ANKRD36: variants seen among roughly 807,000 people sequenced by gnomAD.
ANKRD36 encodes ankyrin repeat domain-containing protein 36A.
ANKRD36 carries 179 observed loss-of-function variants against 278.1 expected under a neutral mutation model. The ratio of observed to expected loss-of-function variants is 0.64; its 90% CI spans 0.57 to 0.73. The LOEUF is 0.73. Ranked by LOEUF, ANKRD36 falls within the 30% of genes least tolerant of loss-of-function variation. ANKRD36 has a pLI of 0.00. For missense variants in ANKRD36, 1,159 were observed against 1,956.7 expected (o/e 0.59, Z 7.69); for synonymous variants, 320 against 641.1 (o/e 0.50, Z 7.57).
At position 97,171,399 on chromosome 2, in the gene ANKRD36, A is replaced by T. The variant is rs1471739530; in HGVS notation, c.1633+3632A>T. Among the ~76,000 whole-genome samples, 104 of 147,248 alleles carry T rather than the reference A, an allele frequency of 7.1e-4. 1 individual carries two copies. Among genetic ancestry groups the T allele is most frequent in the African/African-American group, 2.3e-3 (93 of 39,992 alleles). On this transcript the variant is annotated intron_variant, in intron 22 of 75. Coordinates refer to ENST00000420699, the MANE Select transcript of ANKRD36 (RefSeq NM_001354587.1). ...AAAAATGATGAGTTCATGTCCTTTG[A>T]AGGGACATGGATGAAATTGGAAATC...
At chr2:97,229,537 A>G (rs1459263227) in intron 67 of ANKRD36, among the ~76,000 whole-genome samples, 1 of 152,068 alleles carries the variant, frequency 6.6e-6, no homozygotes, top group Non-Finnish European at 1.5e-5. Flanking sequence ...GTGTCTCTGC[A>G]CGTGAGATGG....
At chr2:97,216,577 A>C (rs2065978953) in intron 62 of ANKRD36, 1 of 174,844 alleles carries the variant, frequency 5.7e-6, no homozygotes, top group African/African-American at 2.4e-5. Context: ...AAACTTAGGC[A>C]AATTATTACA....
At chr2:97,230,185 G>C (rs562089201) in intron 67 of ANKRD36, among the ~76,000 whole-genome samples, 117 of 152,180 alleles carry the variant, frequency 7.7e-4, no homozygotes, top group Non-Finnish European at 1.5e-3. Context: ...ATGTTGGCCT[G>C]CCTTGCTAGA....
chr2:97,260,347 G>GATATATATATATATATAT (rs71218080), intron 75 of ANKRD36, among the ~76,000 whole-genome samples: 7 of 117,642 alleles, frequency 6.0e-5, no homozygotes, highest in African/African-American at 1.3e-4. Context: ...TATTTTAAAA[G>GATATATATATATATATAT]ATATATATAT....
intron 62 of ANKRD36, among the ~76,000 whole-genome samples, chr2:97,215,987 GAA>G (rs1305837501): frequency 1.3e-5 from 2 of 151,970 alleles, no homozygotes; most frequent in African/African-American, 2.4e-5. Context: ...GAGAAAAGAA[GAA>G]GTTATTTATG....
intron 30 of ANKRD36, among the ~76,000 whole-genome samples, chr2:97,186,849 AC>A (rs2057509845): frequency 2.0e-5 from 3 of 151,892 alleles, no homozygotes; most frequent in African/African-American, 7.2e-5. Context: ...TGCATGTGCC[AC>A]CTGCTTTGAC....
In ANKRD36 at chr2:97,151,925, G is replaced by A. The variant is rs946488323; in HGVS notation, c.1148G>A (p.Arg383Gln). ...YIPKRKIISPRSIKDVLPPVE... is the reference protein window; with the variant it reads ...YIPKRKIISPQSIKDVLPPVE... ...CCAAAGAGAAAGATTATTTCTCCACGATCTATAAAAGATGGTAAGTTATTT... is the reference window on the plus strand; with the variant it reads ...CCAAAGAGAAAGATTATTTCTCCACAATCTATAAAAGATGGTAAGTTATTT... The change falls in exon 13 of 76, where the codon CGA (arginine) becomes CAA (glutamine). Residue 383 changes from arginine to glutamine, a missense_variant. Transcript: ENST00000420699. 1.1e-5 allele frequency: 16 copies of A among 1,451,196 alleles called. No individual in the cohort carries two copies. The highest frequency in any genetic ancestry group is 3.7e-5 in the South Asian group (3 of 80,864). 89.9% of individuals were successfully genotyped at this position (1,451,196 alleles called of 1,614,324 possible). A position where few individuals can be genotyped will look rare whatever the true frequency, so the allele number is the denominator to read the frequency against.
intron 22 of ANKRD36, among the ~76,000 whole-genome samples, chr2:97,170,889 A>G (rs2153517405): frequency 6.7e-6 from 1 of 149,182 alleles, no homozygotes; most frequent in East Asian, 2.0e-4. Flanking sequence ...AAGTGGGCGA[A>G]GGACATGAAC....
intron 50 of ANKRD36, 141 bp from the exon 51 acceptor site, chr2:97,205,799 T>A (rs562509008): frequency 1.6e-6 from 2 of 1,225,456 alleles, no homozygotes; most frequent in East Asian, 2.5e-5. Context: ...CATTTTCTAG[T>A]CCCCAGACAC....
intron 22 of ANKRD36, among the ~76,000 whole-genome samples, chr2:97,173,181 G>A (rs1045488994): frequency 1.3e-4 from 19 of 151,678 alleles, no homozygotes; most frequent in Non-Finnish European, 2.4e-4. Flanking sequence ...TCTCTGGAAA[G>A]CATAGACATA....
chr2:97,196,395 G>A (rs1308785971), intron 40 of ANKRD36, among the ~76,000 whole-genome samples, 198 bp from the exon 41 acceptor site: 2 of 151,926 alleles, frequency 1.3e-5, no homozygotes, highest in African/African-American at 2.4e-5. Context: ...AAATTATAAG[G>A]GTATATTTCA....
chr2:97,121,218 C>G (rs1268651794), intron 3 of ANKRD36, among the ~76,000 whole-genome samples: 1 of 152,062 alleles, frequency 6.6e-6, no homozygotes, highest in Non-Finnish European at 1.5e-5. Flanking sequence ...TTTCTTTATA[C>G]ATACCATAAA....
chr2:97,141,471 A>G (rs1159273785), intron 6 of ANKRD36, among the ~76,000 whole-genome samples: 1 of 135,278 alleles, frequency 7.4e-6, no homozygotes, highest in African/African-American at 2.8e-5. Flanking sequence ...TTTTTAAATT[A>G]TGACTCTAAG....
At chr2:97,123,298 T>G (rs2037440379) in intron 4 of ANKRD36, among the ~76,000 whole-genome samples, 1 of 144,692 alleles carries the variant, frequency 6.9e-6, no homozygotes, top group Non-Finnish European at 1.5e-5. Flanking sequence ...TGTGGTGTTA[T>G]TTACAATGTA....
intron 6 of ANKRD36, among the ~76,000 whole-genome samples, chr2:97,128,823 A>G (rs1288147248): frequency 6.6e-6 from 1 of 152,082 alleles, no homozygotes; most frequent in Non-Finnish European, 1.5e-5. Flanking sequence ...GGCAGTAGTA[A>G]CTGGAACCAG....
At chr2:97,175,756 G>A (rs2054050326) in intron 22 of ANKRD36, among the ~76,000 whole-genome samples, 1 of 148,110 alleles carries the variant, frequency 6.8e-6, no homozygotes. Context: ...TCTCTTGTGG[G>A]CACTTAGTGC....
At chr2:97,201,929 ATCC>A (rs1157803080) in intron 46 of ANKRD36, among the ~76,000 whole-genome samples, 48 of 151,988 alleles carry the variant, frequency 3.2e-4, no homozygotes, top group Non-Finnish European at 5.9e-4. Context: ...CACTCGGCAT[ATCC>A]ACATTGATAT....
At chr2:97,223,669 T>TG (rs1470603990) in intron 66 of ANKRD36, among the ~76,000 whole-genome samples, 1 of 122,898 alleles carries the variant, frequency 8.1e-6, no homozygotes, top group African/African-American at 3.4e-5. Context: ...GAAAAACAGT[T>TG]GGACATGATA....
chr2:97,190,299 G>T lies in ANKRD36; in HGVS notation c.2246-679G>T, dbSNP rs1378240803. The stretch of plus-strand genomic sequence containing the variant: ...AATTGATGATATTTTTATTGAGGCT[G>T]ATATATTATCCTTTGGTGCCACGAC... On this transcript the variant is annotated intron_variant, in intron 34 of 75. Coordinates refer to ENST00000420699, the MANE Select transcript of ANKRD36 (RefSeq NM_001354587.1). Among the ~76,000 whole-genome samples the T allele has an allele frequency of 1.9e-4, 17 of 90,812 alleles. 2 individuals are homozygous for T. Among genetic ancestry groups the T allele is most frequent in the African/African-American group, 4.4e-4 (17 of 38,946 alleles). The allele number at this position is 90,812 out of a possible 152,430, so 59.6% of individuals were successfully genotyped here.
Sources: gnomAD v4.1 joint callset for allele counts (sites outside exome capture counted in the v4.1 genomes callset) on GRCh38, gnomAD v4.1.1 for gene constraint, MANE v1.5 for transcripts, NCBI Gene and HGNC (gene_info 2026-07-23, HGNC 2026-07-21) for gene names.